The following TICRR variants were observed in gnomAD, a reference collection of about 807,000 sequenced individuals.
TICRR encodes the protein TOPBP1 interacting checkpoint and replication regulator, also known as treslin.
In TICRR, 132 loss-of-function variants were observed where a neutral mutation model predicts 178.1. That is an observed-to-expected ratio of 0.74 (90% CI 0.64 to 0.86). The LOEUF is 0.86. Ranked by LOEUF, TICRR falls within the 40% of genes least tolerant of loss-of-function variation. The pLI is 0.00. For missense variants in TICRR, 2,587 were observed against 2,334.3 expected, an observed-to-expected ratio of 1.11 and a Z score of -2.23; for synonymous variants, 991 against 900.7, an observed-to-expected ratio of 1.10 and a Z score of -1.79.
chr15:89,618,257 A>G (rs1052843509), intron 17 of TICRR, 47 bp downstream of exon 17: 1 of 1,557,616 alleles, frequency 6.4e-7, no homozygotes. Flanking sequence ...CCCAGCTTCT[A>G]TGAAAACCTT....
Position 89,601,962 on chromosome 15 carries a change from A to G in TICRR, c.2553A>G (p.Ser851=). 1.9e-6 allele frequency: 3 copies of G among 1,614,190 alleles called. No homozygotes were observed. Among genetic ancestry groups the G allele is most frequent in the Non-Finnish European group, 2.5e-6 (3 of 1,180,016 alleles). The change falls in exon 12 of 22, where the codon TCA becomes TCG. Residue 851 remains serine, a synonymous_variant. Transcript: ENST00000268138. ...AACTGCAGGAACTTCGTACCAGATC[A>G]GCCAAGAAGAGAAGGTAAGAGGTCA... ...SDELQELRTR[S]AKKRRKNALI... is the part of the protein sequence containing the mutation.
intron 4 of TICRR, among the ~76,000 whole-genome samples, chr15:89,588,413 T>TA (rs1774358159): frequency 6.6e-6 from 1 of 151,884 alleles, no homozygotes; most frequent in South Asian, 2.1e-4. Context: ...GTGGTAAAGC[T>TA]AGAGAGGGGT....
chr15:89,601,991 A>T lies in TICRR; in HGVS notation c.2567+15A>T. On this transcript the variant is annotated intron_variant, in intron 12 of 21. Coordinates refer to ENST00000268138, the MANE Select transcript of TICRR (RefSeq NM_152259.4). ...AAGAAGAGAAGGTAAGAGGTCAAAG[A>T]ATCAAAGGAATTATTTGCACTGTTA... The T allele has an allele frequency of 6.2e-7, 1 of 1,613,462 alleles. No homozygotes were observed. Among genetic ancestry groups the T allele is most frequent in the African/African-American group, 1.3e-5 (1 of 75,024 alleles).
intron 18 of TICRR, among the ~76,000 whole-genome samples, chr15:89,620,178 C>T (rs758800614): frequency 4.2e-4 from 64 of 152,308 alleles, no homozygotes; most frequent in Middle Eastern, 6.8e-3. Context: ...ATTCTTCTAT[C>T]CATGGTTAGC....
At position 89,575,722 on chromosome 15, in the gene TICRR, G is replaced by T; in HGVS notation, c.136G>T (p.Ala46Ser). Reference sequence around the variant, plus strand: ...ATTCGGCCTGGCCAGGGTCCACTGGGCCTTCAAGTTCTTTGACTCGCAGGG... The same window carrying T: ...ATTCGGCCTGGCCAGGGTCCACTGGTCCTTCAAGTTCTTTGACTCGCAGGG... ...CRFGLARVHW[A>S]FKFFDSQGAR... The change falls in exon 1 of 22, where the codon GCC (alanine) becomes TCC (serine). Residue 46 changes from alanine to serine, a missense_variant. Transcript: ENST00000268138. 6.2e-7 allele frequency: 1 copy of T among 1,609,828 alleles called. No individual in the cohort carries two copies.
At chr15:89,577,443 T>C (rs1410917361) in intron 1 of TICRR, among the ~76,000 whole-genome samples, 1 of 152,048 alleles carries the variant, frequency 6.6e-6, no homozygotes, top group Admixed American at 6.6e-5. Flanking sequence ...CCTACCACAC[T>C]GTTTGAGCTG....
chr15:89,597,754 T>G (rs537243846), intron 7 of TICRR, among the ~76,000 whole-genome samples: 1 of 152,184 alleles, frequency 6.6e-6, no homozygotes, highest in Non-Finnish European at 1.5e-5. Flanking sequence ...AACTTTAGAA[T>G]CAGTTTGTCA....
chr15:89,608,471 A>C (rs1963205874), intron 14 of TICRR, among the ~76,000 whole-genome samples: 1 of 152,248 alleles, frequency 6.6e-6, no homozygotes, highest in South Asian at 2.1e-4. Context: ...TGGTCAACTG[A>C]TATTCAGGGT....
intron 7 of TICRR, 94 bp downstream of exon 7, chr15:89,595,705 T>A: frequency 1.2e-6 from 1 of 842,482 alleles, no homozygotes; most frequent in South Asian, 1.8e-5. Context: ...ATCTGCTACA[T>A]GCACAAAAAG....
At chr15:89,586,023 TTAG>T in intron 4 of TICRR, 81 bp downstream of exon 4, 1 of 960,200 alleles carries the variant, frequency 1.0e-6, no homozygotes, top group Non-Finnish European at 1.6e-6. Context: ...CACTGTGCAG[TTAG>T]TAGAACCCCA....
chr15:89,624,049 C>T lies in TICRR; in HGVS notation c.3739C>T (p.Pro1247Ser), dbSNP rs1003278589. 1 of 1,613,860 alleles carries T rather than the reference C, an allele frequency of 6.2e-7. No homozygotes were observed. Among genetic ancestry groups the T allele is most frequent in the South Asian group, 1.1e-5 (1 of 91,048 alleles). ...RRECLTPIRD[P>S]LRTPPRAAAF... ...AGAGTGTCTCACTCCCATCAGAGACCCTCTCAGAACACCTCCGAGAGCAGC... is the reference window on the plus strand; with the variant it reads ...AGAGTGTCTCACTCCCATCAGAGACTCTCTCAGAACACCTCCGAGAGCAGC... Residue 1247 changes from proline (P) to serine (S), a missense_variant, in exon 20 of 22, where the codon CCT (proline) becomes TCT (serine). Transcript: ENST00000268138.
chr15:89,588,190 A>G (rs1353650031), intron 4 of TICRR, among the ~76,000 whole-genome samples: 4 of 152,076 alleles, frequency 2.6e-5, no homozygotes, highest in African/African-American at 2.4e-5. Context: ...AGACTTAAGG[A>G]GATGCTGGAG....
In TICRR at chr15:89,627,261, C is replaced by A; in HGVS notation, c.*175C>A. On this transcript the variant is annotated 3_prime_UTR_variant, in exon 22 of 22. Coordinates refer to ENST00000268138, the MANE Select transcript of TICRR (RefSeq NM_152259.4). Reference sequence around the variant, plus strand: ...GGATCCAATCCATCTCCTGGCCCTGCCCCTTGTTGGGGAAGTTGCAGGAGG... The same window carrying A: ...GGATCCAATCCATCTCCTGGCCCTGACCCTTGTTGGGGAAGTTGCAGGAGG... 1.3e-6 allele frequency: 1 copy of A among 745,404 alleles called. No individual in the cohort carries two copies. Among genetic ancestry groups the A allele is most frequent in the Non-Finnish European group, 2.1e-6 (1 of 478,972 alleles). 46.2% of individuals were successfully genotyped at this position (745,404 alleles called of 1,614,324 possible). A position where few individuals can be genotyped will look rare whatever the true frequency, so the allele number is the denominator to read the frequency against.
intron 16 of TICRR, chr15:89,617,880 C>G (rs192317185): frequency 3.1e-6 from 1 of 327,200 alleles, no homozygotes; most frequent in South Asian, 4.3e-5. Context: ...TTAATAGAGT[C>G]GGGGTTTCAC....
At chr15:89,580,745 C>G (rs1596038217) in intron 1 of TICRR, among the ~76,000 whole-genome samples, 1 of 152,150 alleles carries the variant, frequency 6.6e-6, no homozygotes, top group Admixed American at 6.5e-5. Context: ...ATTTTAAAAG[C>G]AGTCTAGGCC....
intron 16 of TICRR, among the ~76,000 whole-genome samples, chr15:89,617,870 T>A (rs1455730192): frequency 1.3e-5 from 2 of 152,064 alleles, no homozygotes; most frequent in Admixed American, 6.5e-5. Flanking sequence ...TTTTGTATTT[T>A]TAATAGAGTC....
intron 16 of TICRR, among the ~76,000 whole-genome samples, chr15:89,617,503 A>T (rs1963353848): frequency 6.6e-6 from 1 of 152,162 alleles, no homozygotes; most frequent in South Asian, 2.1e-4. Context: ...AAATAAAAGC[A>T]AAACAAAACC....
In TICRR at chr15:89,584,993, A is replaced by C. The variant is rs528978996; in HGVS notation, c.1176+466A>C. ...TGGACAGTAGTTACACAAATGTAGA[A>C]ATGTCTTCTGAAAAGGAACATATAC... On this transcript the variant is annotated intron_variant, in intron 3 of 21. Transcript: ENST00000268138. Among the ~76,000 whole-genome samples the C allele has an allele frequency of 2.0e-5, 3 of 152,390 alleles. No individual in the cohort carries two copies. The East Asian group carries it at 5.8e-4, about 29-fold the overall frequency.
intron 1 of TICRR, 137 bp downstream of exon 1, chr15:89,576,377 T>A: frequency 1.2e-6 from 1 of 862,016 alleles, no homozygotes; most frequent in Non-Finnish European, 1.7e-6. Flanking sequence ...AGGAAACAAA[T>A]AAATAGGAAC....
Sources: gnomAD v4.1 joint callset for allele counts (sites outside exome capture counted in the v4.1 genomes callset) on GRCh38, gnomAD v4.1.1 for gene constraint, MANE v1.5 for transcripts, NCBI Gene and HGNC (gene_info 2026-07-23, HGNC 2026-07-21) for gene names.